Variants in MTOR observed in about 807,000 individuals in gnomAD.
MTOR encodes the protein mechanistic target of rapamycin kinase, also known as serine/threonine-protein kinase mTOR.
A neutral mutation model predicts 319.8 loss-of-function variants in MTOR; 70 were observed. The observed-to-expected ratio is 0.22, with a 90% confidence interval of 0.18 to 0.27. MTOR has a LOEUF of 0.27. MTOR is among the 10% of genes least tolerant of loss of function. MTOR has a pLI of 1.00. For synonymous variants in MTOR, 1,183 were observed against 1,211.4 expected (o/e 0.98, Z 0.49); for missense variants, 1,890 against 3,274.4 (o/e 0.58, Z 10.32).
chr1:11,189,627 C>T (rs150198909), intron 28 of MTOR: 26 of 1,613,782 alleles, frequency 1.6e-5, no homozygotes, highest in Non-Finnish European at 1.8e-5. Context: ...GCATTTTCAT[C>T]GTGGCCTTTG....
chr1:11,232,394 C>T (rs1310334698), intron 16 of MTOR, 42 bp downstream of exon 16: 19 of 1,490,902 alleles, frequency 1.3e-5, no homozygotes, highest in Non-Finnish European at 1.8e-5. Context: ...TCCCTGGACT[C>T]ATGGGGTCTG....
At chr1:11,114,520 G>T (rs1642061351) in intron 52 of MTOR, 67 bp from the exon 53 acceptor site, 1 of 1,600,194 alleles carries the variant, frequency 6.2e-7, no homozygotes, top group South Asian at 1.1e-5. Context: ...AGCCGAGGGG[G>T]TCTGTTACCC....
At chr1:11,116,321 GT>G (rs1238328789) in intron 50 of MTOR, among the ~76,000 whole-genome samples, 1 of 152,086 alleles carries the variant, frequency 6.6e-6, no homozygotes, top group Non-Finnish European at 1.5e-5. Context: ...TAGTATTTTT[GT>G]TTTTTTCTTT....
In MTOR at chr1:11,130,589, G is replaced by A. The variant is rs2275527; in HGVS notation, c.5553C>T (p.Ser1851=). The A allele has an allele frequency of 0.24, 381,240 of 1,613,296 alleles. 48,073 individuals carry two copies. Among genetic ancestry groups the A allele is most frequent in the African/African-American group, 0.45 (33,789 of 74,798 alleles). ...GGCTGTTCTCGGTGCTCTCGGCCTC[G>A]CTCTCACTGTTGCTGCCCTCGGTGC... The part of the protein sequence containing the change: ...TASTEGSNSE[S]EAESTENSPT... Residue 1851 remains serine (S), a synonymous_variant, in exon 39 of 58, where the codon AGC becomes AGT. Coordinates refer to ENST00000361445, the MANE Select transcript of MTOR (RefSeq NM_004958.4).
chr1:11,207,261 C>T (rs569449050), intron 25 of MTOR, among the ~76,000 whole-genome samples: 2 of 151,484 alleles, frequency 1.3e-5, no homozygotes, highest in African/African-American at 4.8e-5. Context: ...ACCACCATGT[C>T]CAGCTAATTT....
At chr1:11,186,926 C>T (rs1449046590) in intron 28 of MTOR, among the ~76,000 whole-genome samples, 1 of 152,106 alleles carries the variant, frequency 6.6e-6, no homozygotes, top group Non-Finnish European at 1.5e-5. Context: ...TCAAGTATTG[C>T]CTTATGTTAG....
intron 5 of MTOR, among the ~76,000 whole-genome samples, chr1:11,255,649 G>A (rs10864496): frequency 0.55 from 83,760 of 151,718 alleles, 27,093 homozygotes; most frequent in East Asian, 0.78. Context: ...TCAGGAATTC[G>A]AGACCAGCCT....
chr1:11,130,862 C>T (rs1643114646), intron 38 of MTOR, 85 bp from the exon 39 acceptor site: 2 of 1,480,178 alleles, frequency 1.4e-6, no homozygotes, highest in East Asian at 2.5e-5. Flanking sequence ...TGCTGAGGAA[C>T]AGCTGCTCCT....
At chr1:11,181,445 A>C (rs991643888) in intron 28 of MTOR, among the ~76,000 whole-genome samples, 4 of 152,198 alleles carry the variant, frequency 2.6e-5, no homozygotes, top group African/African-American at 7.2e-5. Flanking sequence ...GAACTGCTTG[A>C]ATCCAGGAGG....
chr1:11,234,750 T>C (rs768265118), intron 13 of MTOR, among the ~76,000 whole-genome samples: 14 of 152,204 alleles, frequency 9.2e-5, no homozygotes, highest in Non-Finnish European at 1.5e-4. Flanking sequence ...TGATACTCTG[T>C]AGCTGTTTGG....
chr1:11,193,582 G>A (rs778031405), intron 28 of MTOR: 1 of 1,585,204 alleles, frequency 6.3e-7, no homozygotes, highest in Non-Finnish European at 8.6e-7. Flanking sequence ...TGCTTCAGGT[G>A]TTCTGTGACA....
At position 11,167,683 on chromosome 1, in the gene MTOR, G is replaced by A. The variant is rs182997327; in HGVS notation, c.4254-166C>T. On this transcript the variant is annotated intron_variant, in intron 28 of 57. Transcript: ENST00000361445. ...CCATCCAGAAAGCTCAGTTTAAATC[G>A]TTTCATCTGAAAGAGGTTTGTGCTC... is the stretch of plus-strand genomic sequence containing the variant. Among the ~76,000 whole-genome samples the A allele has an allele frequency of 2.0e-4, 31 of 152,306 alleles. No homozygotes were observed. In the East Asian group the frequency reaches 5.4e-3, roughly 27 times the overall value.
At chr1:11,226,310 T>C (rs570712077) in intron 19 of MTOR, 1 of 152,300 alleles carries the variant, frequency 6.6e-6, no homozygotes. Flanking sequence ...AAGATTAGCA[T>C]GGCCCATATG....
At chr1:11,114,731 T>G (rs1642073040) in intron 52 of MTOR, 82 bp downstream of exon 52, 1 of 1,369,230 alleles carries the variant, frequency 7.3e-7, no homozygotes, top group Admixed American at 1.9e-5. Context: ...GGAGAACTGA[T>G]GGGCTCTAAC....
At chr1:11,170,280 C>A (rs1054150052) in intron 28 of MTOR, among the ~76,000 whole-genome samples, 4 of 152,098 alleles carry the variant, frequency 2.6e-5, no homozygotes, top group Admixed American at 6.5e-5. Context: ...GCCACTTGGC[C>A]CCATAAATCA....
chr1:11,126,870 G>A, intron 45 of MTOR, 74 bp from the exon 46 acceptor site: 1 of 1,581,576 alleles, frequency 6.3e-7, no homozygotes, highest in Admixed American at 1.8e-5. Flanking sequence ...GTATTTTTCA[G>A]TGGATTGCTA....
At position 11,109,363 on chromosome 1, in the gene MTOR, G is replaced by A. The variant is rs41274506; in HGVS notation, c.7455C>T (p.Asp2485=). The change falls in exon 56 of 58, where the codon GAC becomes GAT. Residue 2485 remains aspartate (D), a synonymous_variant. Coordinates refer to ENST00000361445, the MANE Select transcript of MTOR (RefSeq NM_004958.4). The surrounding 1 kb of genome is among the most constrained non-coding windows in gnomAD (Gnocchi z 4.0). ...TTAGGGCCTCTGGTTTCACCAAACC[G>A]TCTCCAACTGGAATACACAAAAGTA... is the stretch of plus-strand genomic sequence containing the variant. ...VPESIHSFIG[D]GLVKPEALNK... 4.4e-3 allele frequency: 7,029 copies of A among 1,613,964 alleles called. 20 individuals carry two copies. Among genetic ancestry groups the A allele is most frequent in the Non-Finnish European group, 5.3e-3 (6,221 of 1,179,834 alleles).
intron 53 of MTOR, 21 bp downstream of exon 53, chr1:11,114,297 C>T (rs1438590010): frequency 1.2e-6 from 2 of 1,612,832 alleles, no homozygotes; most frequent in Non-Finnish European, 1.7e-6. Context: ...GCTCAGCTCC[C>T]AGGCACTTGA....
chr1:11,124,046 C>T (rs1314010867), intron 47 of MTOR, among the ~76,000 whole-genome samples: 1 of 152,310 alleles, frequency 6.6e-6, no homozygotes, highest in Non-Finnish European at 1.5e-5. Flanking sequence ...CCTGGGCCTC[C>T]CAAAGTGCTG....
Sources: allele counts gnomAD v4.1 joint callset (sites outside exome capture counted in the v4.1 genomes callset), GRCh38; gene constraint gnomAD v4.1.1; non-coding constraint Gnocchi (gnomAD v3.1); transcripts MANE v1.5; gene names NCBI Gene and HGNC (gene_info 2026-07-23, HGNC 2026-07-21).